Variants in LRRTM4 observed in about 807,000 individuals in gnomAD.
LRRTM4 encodes leucine rich repeat transmembrane neuronal 4.
Under a neutral mutation model 47.6 loss-of-function variants are expected in LRRTM4, and 25 were observed. That is an observed-to-expected ratio of 0.53 (90% CI 0.38 to 0.73). The LOEUF is 0.73. Ranked by LOEUF, LRRTM4 falls within the 30% of genes least tolerant of loss-of-function variation. The pLI is 0.00. For synonymous variants in LRRTM4, 311 were observed against 269.5 expected, an observed-to-expected ratio of 1.15 and a Z score of -1.51; for missense variants, 638 against 713.4, an observed-to-expected ratio of 0.89 and a Z score of 1.20.
intron 3 of LRRTM4, among the ~76,000 whole-genome samples, chr2:77,173,804 C>T (rs78746852): frequency 0.032 from 4,895 of 152,220 alleles, 127 homozygotes; most frequent in African/African-American, 0.075. Context: ...CCCCTTCCCC[C>T]AAGATCCTTA....
intron 3 of LRRTM4, among the ~76,000 whole-genome samples, chr2:77,276,424 G>A (rs1319988425): frequency 4.2e-5 from 6 of 141,920 alleles, no homozygotes. Flanking sequence ...AGGAGAAAAA[G>A]AGAGAAAGGA....
At chr2:76,887,605 CAT>C (rs900967273) in intron 3 of LRRTM4, among the ~76,000 whole-genome samples, 24 of 147,528 alleles carry the variant, frequency 1.6e-4, no homozygotes, top group Admixed American at 2.7e-4. Flanking sequence ...TATATACACA[CAT>C]ATATGATATA....
At chr2:77,075,039 C>G (rs1170576456) in intron 3 of LRRTM4, among the ~76,000 whole-genome samples, 1 of 152,106 alleles carries the variant, frequency 6.6e-6, no homozygotes, top group Non-Finnish European at 1.5e-5. Context: ...CTCTGAGACA[C>G]AGAAACCAGA....
chr2:77,439,914 T>C (rs181433492), intron 3 of LRRTM4, among the ~76,000 whole-genome samples: 3 of 152,244 alleles, frequency 2.0e-5, no homozygotes, highest in Non-Finnish European at 4.4e-5. Context: ...ATGTCACAGC[T>C]AGTACAAAAA....
intron 3 of LRRTM4, among the ~76,000 whole-genome samples, chr2:76,837,952 G>T (rs531886454): frequency 6.6e-6 from 1 of 151,906 alleles, no homozygotes; most frequent in Admixed American, 6.6e-5. Context: ...GGGGGTAGGG[G>T]GGAGGGATAG....
intron 3 of LRRTM4, among the ~76,000 whole-genome samples, chr2:76,878,129 A>G (rs776681379): frequency 3.3e-5 from 5 of 152,188 alleles, no homozygotes; most frequent in African/African-American, 9.7e-5. Context: ...CATTGTTATT[A>G]TATCTGTTAC....
chr2:77,284,698 A>G (rs542044585), intron 3 of LRRTM4, among the ~76,000 whole-genome samples: 2 of 152,124 alleles, frequency 1.3e-5, no homozygotes, highest in Non-Finnish European at 2.9e-5. Context: ...TATTTCTTCA[A>G]AGTCCTTCTG....
chr2:76,868,427 C>G (rs1223001052), intron 3 of LRRTM4, among the ~76,000 whole-genome samples: 1 of 152,056 alleles, frequency 6.6e-6, no homozygotes, highest in Non-Finnish European at 1.5e-5. Context: ...AAAAATCTCT[C>G]TCATTTATAT....
chr2:76,842,972 G>A lies in LRRTM4; in HGVS notation c.1552-94056C>T, dbSNP rs375281183. ...AGCTGTCCCTTCTATGGGTTCAGAG[G>A]CAAAGAGAAATTTATGTTTCTTGAA... On this transcript the variant is annotated intron_variant, in intron 3 of 3. Coordinates refer to ENST00000409884, the MANE Select transcript of LRRTM4 (RefSeq NM_001134745.3). Among the ~76,000 whole-genome samples the A allele has an allele frequency of 1.2e-4, 18 of 152,268 alleles. 1 individual carries two copies. Among genetic ancestry groups the A allele is most frequent in the Admixed American group, 3.9e-4 (6 of 15,282 alleles).
intron 3 of LRRTM4, among the ~76,000 whole-genome samples, chr2:77,324,624 A>G (rs1053810694): frequency 3.3e-5 from 5 of 152,164 alleles, no homozygotes; most frequent in Non-Finnish European, 4.4e-5. Context: ...TAGTTATAAT[A>G]GAGTGAGGTA....
chr2:76,877,233 T>A (rs1468667523), intron 3 of LRRTM4, among the ~76,000 whole-genome samples: 1 of 152,130 alleles, frequency 6.6e-6, no homozygotes, highest in Admixed American at 6.5e-5. Flanking sequence ...AATAGTCCAA[T>A]AAAAAGTTGG....
At chr2:76,984,548 C>A (rs1188007152) in intron 3 of LRRTM4, among the ~76,000 whole-genome samples, 13 of 151,954 alleles carry the variant, frequency 8.6e-5, no homozygotes, top group Non-Finnish European at 1.5e-4. Context: ...ACATACTCAG[C>A]TAGCAGGCTC....
At position 77,357,518 on chromosome 2, in the gene LRRTM4, G is replaced by T. The variant is rs546068000; in HGVS notation, c.1551+160800C>A. ...AAGCATCTAGTTAGGCTAAATGTCT[G>T]CTTCAAATCTTCCCATGGGTTATGC... On this transcript the variant is annotated intron_variant, in intron 3 of 3. Coordinates refer to ENST00000409884, the MANE Select transcript of LRRTM4 (RefSeq NM_001134745.3). Among the ~76,000 whole-genome samples the T allele has an allele frequency of 9.7e-4, 148 of 152,226 alleles. 1 individual carries two copies. Among genetic ancestry groups the T allele is most frequent in the African/African-American group, 3.2e-3 (134 of 41,552 alleles).
chr2:77,205,994 C>G (rs1309715749), intron 3 of LRRTM4, among the ~76,000 whole-genome samples: 1 of 151,716 alleles, frequency 6.6e-6, no homozygotes, highest in Admixed American at 6.6e-5. Context: ...CACCACCACC[C>G]CTGGCAAATT....
intron 3 of LRRTM4, among the ~76,000 whole-genome samples, chr2:77,344,471 G>A (rs749591019): frequency 6.6e-6 from 1 of 151,762 alleles, no homozygotes; most frequent in Non-Finnish European, 1.5e-5. Flanking sequence ...TGAAACTGAA[G>A]ATATGTAATA....
chr2:76,861,523 T>A (rs1304122031), intron 3 of LRRTM4, among the ~76,000 whole-genome samples: 1 of 152,180 alleles, frequency 6.6e-6, no homozygotes, highest in Non-Finnish European at 1.5e-5. Context: ...TTCTGAGCTC[T>A]AGTACAAATG....
intron 3 of LRRTM4, among the ~76,000 whole-genome samples, chr2:77,104,826 G>A (rs997841046): frequency 2.0e-5 from 3 of 152,102 alleles, no homozygotes; most frequent in African/African-American, 7.2e-5. Context: ...TCACTTCAGG[G>A]CAAGGCCCCA....
chr2:76,899,044 A>T (rs1320806719), intron 3 of LRRTM4, among the ~76,000 whole-genome samples: 1 of 151,980 alleles, frequency 6.6e-6, no homozygotes, highest in African/African-American at 2.4e-5. Flanking sequence ...AGCGTGTTGT[A>T]AAATTGGTAA....
At position 77,370,549 on chromosome 2, in the gene LRRTM4, G is replaced by GA. The variant is rs200740251; in HGVS notation, c.1551+147768dup. Among the ~76,000 whole-genome samples the GA allele has an allele frequency of 4.9e-3, 722 of 148,274 alleles. 6 individuals carry two copies. Among genetic ancestry groups the GA allele is most frequent in the African/African-American group, 0.017 (670 of 40,556 alleles). ...ATTTATATGGCTGCTGAGCAAAAAT[G>GA]AAAAAAAAATGAGGTTTGATTTGTT... On this transcript the variant is annotated intron_variant, in intron 3 of 3. Transcript: ENST00000409884.
Sources: gnomAD v4.1 joint callset for allele counts (sites outside exome capture counted in the v4.1 genomes callset) on GRCh38, gnomAD v4.1.1 for gene constraint, MANE v1.5 for transcripts, NCBI Gene and HGNC (gene_info 2026-07-23, HGNC 2026-07-21) for gene names.